The following CSMD1 variants were observed in gnomAD, a reference collection of about 807,000 sequenced individuals.
CSMD1 encodes the protein CUB and sushi domain-containing protein 1.
Under a neutral mutation model 417.5 loss-of-function variants are expected in CSMD1, and 213 were observed. The observed-to-expected ratio is 0.51, with a 90% CI of 0.46 to 0.57. The LOEUF (loss-of-function observed/expected upper bound fraction) is 0.57. Ranked by LOEUF, CSMD1 falls within the 20% of genes least tolerant of loss-of-function variation. The probability of loss-of-function intolerance (pLI) is 0.00; values close to 1 mark genes in which losing one functional copy is unlikely to be tolerated. For synonymous variants in CSMD1, 2,862 were observed against 1,736.8 expected (o/e 1.65, Z -16.11); for missense variants, 6,923 against 4,529.7 (o/e 1.53, Z -15.17).
chr8:4,066,739 G>C (rs1051668657), intron 3 of CSMD1, among the ~76,000 whole-genome samples: 5 of 152,204 alleles, frequency 3.3e-5, no homozygotes, highest in South Asian at 2.1e-4. Context: ...TGAAGACTGA[G>C]ATGCAATCCA....
intron 7 of CSMD1, among the ~76,000 whole-genome samples, chr8:3,682,806 T>C (rs1234397134): frequency 6.6e-6 from 1 of 152,164 alleles, no homozygotes; most frequent in East Asian, 1.9e-4. Context: ...TGTCCAACAA[T>C]GACAGATGGG....
chr8:3,753,391 T>C (rs1345808040), intron 6 of CSMD1, among the ~76,000 whole-genome samples: 2 of 152,150 alleles, frequency 1.3e-5, no homozygotes, highest in African/African-American at 4.8e-5. Context: ...AAAAAGAACA[T>C]TTCATTACCA....
chr8:3,926,898 T>G (rs550859693), intron 5 of CSMD1, among the ~76,000 whole-genome samples: 227 of 151,698 alleles, frequency 1.5e-3, no homozygotes, highest in African/African-American at 4.9e-3. Context: ...GTATTTTTAG[T>G]AGAGAAAGGG....
At chr8:4,276,582 T>C (rs1443743187) in intron 3 of CSMD1, among the ~76,000 whole-genome samples, 1 of 152,136 alleles carries the variant, frequency 6.6e-6, no homozygotes, top group Non-Finnish European at 1.5e-5. Flanking sequence ...CCCAGAACTT[T>C]AAGTATAATA....
chr8:3,019,184 C>G (rs1469319068), intron 51 of CSMD1, among the ~76,000 whole-genome samples: 1 of 152,220 alleles, frequency 6.6e-6, no homozygotes, highest in African/African-American at 2.4e-5. Context: ...TCCCAAATTG[C>G]TGGGATTACA....
rs111269176 is a variant in CSMD1, at chr8:3,634,197, T to C, written c.1010-17400A>G. Among the ~76,000 whole-genome samples, 333 of 152,272 alleles carry C rather than the reference T, an allele frequency of 2.2e-3. 1 individual carries two copies. The highest frequency in any genetic ancestry group is 7.4e-3 in the African/African-American group (307 of 41,548). ...AGTGTCTTCGTTTACCTGGGGACCT[T>C]AGGCCACAGCAGATAGTCTATGTGT... On this transcript the variant is annotated intron_variant, in intron 7 of 69. Transcript: ENST00000635120.
intron 5 of CSMD1, among the ~76,000 whole-genome samples, chr8:3,769,992 C>G (rs1004061795): frequency 6.6e-6 from 1 of 152,172 alleles, no homozygotes; most frequent in Non-Finnish European, 1.5e-5. Flanking sequence ...ATACAGTGAC[C>G]TGCCTTTTTC....
intron 1 of CSMD1, among the ~76,000 whole-genome samples, chr8:4,755,081 T>C (rs1395673090): frequency 6.6e-6 from 1 of 152,162 alleles, no homozygotes; most frequent in African/African-American, 2.4e-5. Flanking sequence ...GAAGTTGCAG[T>C]GAGCCGATAT....
At chr8:3,513,899 C>A (rs1305075662) in intron 10 of CSMD1, among the ~76,000 whole-genome samples, 2 of 152,126 alleles carry the variant, frequency 1.3e-5, no homozygotes, top group African/African-American at 2.4e-5. Context: ...GTTATAACCA[C>A]AGAATAATTC....
intron 2 of CSMD1, among the ~76,000 whole-genome samples, chr8:4,500,228 A>C (rs983161367): frequency 1.3e-5 from 2 of 152,068 alleles, no homozygotes; most frequent in Non-Finnish European, 2.9e-5. Context: ...TGGCTTAGTG[A>C]ATATAAACAT....
intron 8 of CSMD1, among the ~76,000 whole-genome samples, chr8:3,606,579 G>A (rs1801625580): frequency 1.3e-5 from 2 of 152,044 alleles, no homozygotes; most frequent in South Asian, 4.2e-4. Flanking sequence ...GAATGTGAGG[G>A]CCTAGGACAT....
chr8:3,788,279 G>C (rs1799554014), intron 5 of CSMD1, among the ~76,000 whole-genome samples: 1 of 152,130 alleles, frequency 6.6e-6, no homozygotes, highest in Non-Finnish European at 1.5e-5. Flanking sequence ...TCTTTCTTAA[G>C]GAACTTTTTC....
chr8:4,095,874 T>G (rs1003302530), intron 3 of CSMD1, among the ~76,000 whole-genome samples: 1 of 152,226 alleles, frequency 6.6e-6, no homozygotes, highest in African/African-American at 2.4e-5. Context: ...AGCTAAACTA[T>G]CAATGTTAAG....
chr8:4,945,410 G>A (rs551985001), intron 1 of CSMD1, among the ~76,000 whole-genome samples: 11 of 151,874 alleles, frequency 7.2e-5, no homozygotes, highest in African/African-American at 2.7e-4. Flanking sequence ...TTCATATTAT[G>A]TATATTTTTA....
chr8:3,157,031 C>G (rs1051805515), intron 39 of CSMD1, among the ~76,000 whole-genome samples: 5 of 148,494 alleles, frequency 3.4e-5, no homozygotes, highest in African/African-American at 1.0e-4. Flanking sequence ...TAATAGCATT[C>G]GCAGAGGAAG....
intron 3 of CSMD1, among the ~76,000 whole-genome samples, chr8:4,136,783 T>C (rs932529054): frequency 6.6e-6 from 1 of 152,218 alleles, no homozygotes. Context: ...GATTAGTTTG[T>C]TGGACTCAAT....
chr8:3,475,162 G>A (rs1256009321), intron 11 of CSMD1, among the ~76,000 whole-genome samples: 2 of 150,908 alleles, frequency 1.3e-5, no homozygotes, highest in Non-Finnish European at 2.9e-5. Flanking sequence ...TTCTCGCTGG[G>A]CATTTCTTAG....
intron 3 of CSMD1, among the ~76,000 whole-genome samples, chr8:4,100,155 T>G (rs1397194454): frequency 1.3e-5 from 2 of 152,122 alleles, no homozygotes; most frequent in Non-Finnish European, 2.9e-5. Flanking sequence ...GGTTTTTATG[T>G]GAGTAAAATG....
At chr8:4,757,066 C>T (rs184723946) in intron 1 of CSMD1, among the ~76,000 whole-genome samples, 2 of 152,262 alleles carry the variant, frequency 1.3e-5, no homozygotes, top group East Asian at 3.9e-4. Context: ...GAAACTGAAA[C>T]AGAAATGGCA....
Sources: allele counts gnomAD v4.1 joint callset (sites outside exome capture counted in the v4.1 genomes callset), GRCh38; gene constraint gnomAD v4.1.1; transcripts MANE v1.5; gene names NCBI Gene and HGNC (gene_info 2026-07-23, HGNC 2026-07-21).